The following CEP112 variants were observed in gnomAD, a reference collection of about 807,000 sequenced individuals.
CEP112 encodes centrosomal protein of 112 kDa.
Under a neutral mutation model 153.0 loss-of-function variants are expected in CEP112, and 127 were observed. That is an observed-to-expected ratio of 0.83 (90% confidence interval 0.72 to 0.96). The LOEUF is 0.96. CEP112 is among the 40% of genes least tolerant of loss of function. The pLI is 0.00. For missense variants in CEP112, 1,089 were observed against 1,101.2 expected, an observed-to-expected ratio of 0.99 and a Z score of 0.16; for synonymous variants, 358 against 374.4, an observed-to-expected ratio of 0.96 and a Z score of 0.51.
At chr17:65,968,575 A>G (rs1214436618) in intron 17 of CEP112, among the ~76,000 whole-genome samples, 2 of 152,224 alleles carry the variant, frequency 1.3e-5, no homozygotes, top group Non-Finnish European at 2.9e-5. Flanking sequence ...TAGTGTAGCC[A>G]TAATTTTTAA....
intron 25 of CEP112, among the ~76,000 whole-genome samples, chr17:65,639,017 T>C (rs111969115): frequency 1.1e-3 from 164 of 152,170 alleles, no homozygotes; most frequent in Non-Finnish European, 2.1e-3. Context: ...GAGATTTTCA[T>C]GTAAATAAAA....
chr17:66,143,501 A>G (rs1047913176), intron 4 of CEP112, among the ~76,000 whole-genome samples: 2 of 152,248 alleles, frequency 1.3e-5, no homozygotes. Context: ...TCTAAGAATC[A>G]TAAGGGTGTT....
At chr17:65,963,071 TAGAGTA>T (rs2062272154) in intron 17 of CEP112, among the ~76,000 whole-genome samples, 1 of 152,178 alleles carries the variant, frequency 6.6e-6, no homozygotes, top group Non-Finnish European at 1.5e-5. Flanking sequence ...GTTACACACC[TAGAGTA>T]ACAACAGGTC....
chr17:65,744,221 G>A (rs1212722707), intron 22 of CEP112, among the ~76,000 whole-genome samples: 1 of 149,962 alleles, frequency 6.7e-6, no homozygotes, highest in Non-Finnish European at 1.5e-5. Context: ...CGACTTTATG[G>A]GTTTTTTTGT....
intron 21 of CEP112, among the ~76,000 whole-genome samples, chr17:65,795,190 G>A (rs1438153165): frequency 6.6e-6 from 1 of 152,098 alleles, no homozygotes; most frequent in East Asian, 1.9e-4. Flanking sequence ...TTGAAGCCAG[G>A]TCAGCCAGTC....
At chr17:66,030,127 A>G in intron 12 of CEP112, 104 bp from the exon 13 acceptor site, 1 of 910,564 alleles carries the variant, frequency 1.1e-6, no homozygotes, top group Non-Finnish European at 1.6e-6. Flanking sequence ...AATAAATAAA[A>G]CAAATGTATC....
intron 6 of CEP112, among the ~76,000 whole-genome samples, chr17:66,118,879 T>C (rs1303052679): frequency 7.8e-6 from 1 of 127,628 alleles, no homozygotes; most frequent in African/African-American, 2.6e-5. Context: ...AATAACAAAA[T>C]AGTTCCATCA....
intron 4 of CEP112, among the ~76,000 whole-genome samples, chr17:66,147,446 C>T (rs1033545237): frequency 4.6e-5 from 7 of 152,036 alleles, no homozygotes; most frequent in Non-Finnish European, 8.8e-5. Context: ...CCATTGACTG[C>T]TTTTTCACTC....
Position 66,168,547 on chromosome 17 carries a change from G to GTATATA in CEP112, c.470+6491_470+6496dup, listed in dbSNP as rs140897554. ...TATATGTATATATGTGTGTGTGTGT[G>GTATATA]TATATATATATATATTTTTAACCAT... On this transcript the variant is annotated intron_variant, in intron 4 of 26. Coordinates refer to ENST00000535342, the MANE Select transcript of CEP112 (RefSeq NM_001199165.4). Among the ~76,000 whole-genome samples, 442 of 148,984 alleles carry GTATATA rather than the reference G, an allele frequency of 3.0e-3. 2 individuals carry two copies. The highest frequency in any genetic ancestry group is 6.3e-3 in the South Asian group (30 of 4,732).
intron 21 of CEP112, among the ~76,000 whole-genome samples, chr17:65,809,166 G>GA (rs1403376302): frequency 6.6e-6 from 1 of 152,094 alleles, no homozygotes; most frequent in Non-Finnish European, 1.5e-5. Context: ...CAGACAAAGA[G>GA]AAAAAATAAC....
At chr17:65,719,987 T>C (rs991098684) in intron 23 of CEP112, among the ~76,000 whole-genome samples, 73 of 152,232 alleles carry the variant, frequency 4.8e-4, no homozygotes, top group African/African-American at 1.7e-3. Flanking sequence ...GGGCTAGTAC[T>C]TTCCTGAACT....
chr17:65,950,015 A>C (rs1170007371), intron 18 of CEP112, among the ~76,000 whole-genome samples: 1 of 152,140 alleles, frequency 6.6e-6, no homozygotes, highest in Non-Finnish European at 1.5e-5. Context: ...CACACATCTC[A>C]CACACTGTAT....
At chr17:65,671,491 A>G (rs1291080074) in intron 24 of CEP112, among the ~76,000 whole-genome samples, 1 of 152,218 alleles carries the variant, frequency 6.6e-6, no homozygotes, top group African/African-American at 2.4e-5. Flanking sequence ...TCTGTCTCTC[A>G]TTGGTACAAA....
chr17:65,864,760 G>A (rs957052950), intron 20 of CEP112, among the ~76,000 whole-genome samples: 11 of 152,112 alleles, frequency 7.2e-5, no homozygotes, highest in African/African-American at 2.4e-4. Context: ...TTACAAGGAC[G>A]TAAATGCCGC....
chr17:66,177,213 A>G (rs2072519303), intron 2 of CEP112, among the ~76,000 whole-genome samples, 193 bp from the exon 3 acceptor site: 1 of 152,238 alleles, frequency 6.6e-6, no homozygotes. Context: ...CCACTGTAGC[A>G]TGAAAGCACT....
intron 24 of CEP112, among the ~76,000 whole-genome samples, chr17:65,662,890 G>A (rs1228646627): frequency 1.3e-5 from 2 of 152,158 alleles, no homozygotes; most frequent in Non-Finnish European, 2.9e-5. Context: ...TCCAGAGGGT[G>A]TGTTTTTGCT....
At chr17:65,969,931 T>C (rs148223453) in intron 17 of CEP112, among the ~76,000 whole-genome samples, 5 of 152,308 alleles carry the variant, frequency 3.3e-5, no homozygotes, top group Non-Finnish European at 5.9e-5. Context: ...TCACATGCGC[T>C]ACAGGCATGC....
rs936982639 is a variant in CEP112 at position 65,936,785 on chromosome 17, C to T, written c.1873-9096G>A. 6.0e-5 allele frequency among the ~76,000 whole-genome samples: 7 copies of T among 117,278 alleles called. 1 individual carries two copies. Among genetic ancestry groups the T allele is most frequent in the Non-Finnish European group, 1.3e-4 (7 of 55,142 alleles). The allele number at this position is 117,278 out of a possible 152,430, so 76.9% of individuals were successfully genotyped here. A position where few individuals can be genotyped will look rare whatever the true frequency, so the allele number is the denominator to read the frequency against. Reference sequence around the variant, plus strand: ...ATTAAGTATAGAAAAAAAGTCTCTCCGTCTACCTCTCCCCCTCCCCCTCCC... The same window carrying T: ...ATTAAGTATAGAAAAAAAGTCTCTCTGTCTACCTCTCCCCCTCCCCCTCCC... On this transcript the variant is annotated intron_variant, in intron 18 of 26. Coordinates refer to ENST00000535342, the MANE Select transcript of CEP112 (RefSeq NM_001199165.4).
chr17:66,143,382 GT>G (rs1355596946), intron 4 of CEP112, among the ~76,000 whole-genome samples: 1 of 152,140 alleles, frequency 6.6e-6, no homozygotes, highest in Non-Finnish European at 1.5e-5. Flanking sequence ...TACACACTTG[GT>G]TAAGACCTCA....
Sources: gnomAD v4.1 joint callset for allele counts (sites outside exome capture counted in the v4.1 genomes callset) on GRCh38, gnomAD v4.1.1 for gene constraint, MANE v1.5 for transcripts, NCBI Gene and HGNC (gene_info 2026-07-23, HGNC 2026-07-21) for gene names.